NCKAP5: variants seen among roughly 807,000 people sequenced by gnomAD.
NCKAP5 encodes nck-associated protein 5.
NCKAP5 carries 92 observed loss-of-function variants against 167.0 expected under a neutral mutation model. The ratio of observed to expected loss-of-function variants is 0.55; its 90% CI spans 0.47 to 0.66. NCKAP5 has a LOEUF of 0.66. NCKAP5 is among the 30% of genes least tolerant of loss of function. The pLI, the probability that NCKAP5 is intolerant of heterozygous loss-of-function variation, is 0.00. For missense variants in NCKAP5, 2,378 were observed against 2,315.0 expected (o/e 1.03, Z -0.56); for synonymous variants, 891 against 877.4 (o/e 1.02, Z -0.27).
chr2:133,235,651 C>A (rs1362804870), intron 4 of NCKAP5, among the ~76,000 whole-genome samples: 1 of 152,046 alleles, frequency 6.6e-6, no homozygotes, highest in African/African-American at 2.4e-5. Context: ...TGCCTGCAAT[C>A]CCAGCATGTT....
intron 3 of NCKAP5, among the ~76,000 whole-genome samples, chr2:133,340,474 A>C (rs1574743459): frequency 6.6e-6 from 1 of 152,266 alleles, no homozygotes; most frequent in Middle Eastern, 3.4e-3. Flanking sequence ...ATATTTATTA[A>C]GACTTCATTT....
At chr2:132,713,135 A>G (rs1689023081) in intron 19 of NCKAP5, among the ~76,000 whole-genome samples, 1 of 150,944 alleles carries the variant, frequency 6.6e-6, no homozygotes, top group East Asian at 2.0e-4. Flanking sequence ...GTTCAATGAA[A>G]GACTGGAAAG....
intron 5 of NCKAP5, among the ~76,000 whole-genome samples, chr2:133,171,246 A>T (rs1373848792): frequency 6.6e-6 from 1 of 152,174 alleles, no homozygotes; most frequent in South Asian, 2.1e-4. Flanking sequence ...TGGAATGATA[A>T]AGAGAAGTAG....
chr2:133,280,476 G>A (rs554029264), intron 4 of NCKAP5, among the ~76,000 whole-genome samples: 22 of 151,734 alleles, frequency 1.4e-4, no homozygotes, highest in Admixed American at 1.2e-3. Context: ...GTACGATCTC[G>A]GCTCACCGCA....
At chr2:132,687,169 A>AT (rs1686055034) in intron 19 of NCKAP5, among the ~76,000 whole-genome samples, 1 of 152,180 alleles carries the variant, frequency 6.6e-6, no homozygotes, top group African/African-American at 2.4e-5. Flanking sequence ...ACGATGAGAG[A>AT]TTTTGAGAGG....
intron 3 of NCKAP5, among the ~76,000 whole-genome samples, chr2:133,410,770 C>T (rs1441304109): frequency 1.3e-5 from 2 of 152,112 alleles, no homozygotes; most frequent in African/African-American, 4.8e-5. Flanking sequence ...AATTTAAAAC[C>T]ACTGATGTAG....
At chr2:133,109,590 G>C (rs538333524) in intron 6 of NCKAP5, among the ~76,000 whole-genome samples, 1 of 152,020 alleles carries the variant, frequency 6.6e-6, no homozygotes, top group East Asian at 1.9e-4. Context: ...TAAAAATCTA[G>C]GTTTCATTTA....
the NCKAP5 span, among the ~76,000 whole-genome samples, chr2:133,658,921 T>C: frequency 1.3e-5 from 2 of 151,954 alleles, no homozygotes; most frequent in Admixed American, 1.3e-4. Context: ...TTCTATTGTG[T>C]TATGAGCTTT....
intron 11 of NCKAP5, among the ~76,000 whole-genome samples, chr2:132,816,663 C>G (rs1025712356): frequency 3.3e-5 from 5 of 152,152 alleles, no homozygotes; most frequent in African/African-American, 1.2e-4. Flanking sequence ...GTCTCACTTG[C>G]CTGAACACTC....
chr2:132,933,056 C>T (rs2149065548), intron 8 of NCKAP5, among the ~76,000 whole-genome samples: 1 of 151,948 alleles, frequency 6.6e-6, no homozygotes, highest in Middle Eastern at 3.4e-3. Flanking sequence ...TCCCGAGCAG[C>T]TGGGACTACA....
chr2:133,414,128 T>G (rs1017349483), intron 3 of NCKAP5, among the ~76,000 whole-genome samples: 56 of 152,222 alleles, frequency 3.7e-4, no homozygotes, highest in Non-Finnish European at 5.4e-4. Context: ...CCACAGCAAT[T>G]TCTGTCATAA....
chr2:132,876,405 A>G (rs1360332722), intron 9 of NCKAP5, among the ~76,000 whole-genome samples: 3 of 152,150 alleles, frequency 2.0e-5, no homozygotes, highest in African/African-American at 7.2e-5. Context: ...TCTGAAAAAC[A>G]TTTTAAATTT....
At chr2:132,735,017 T>C (rs1691374961) in intron 16 of NCKAP5, among the ~76,000 whole-genome samples, 1 of 152,266 alleles carries the variant, frequency 6.6e-6, no homozygotes, top group African/African-American at 2.4e-5. Flanking sequence ...CTCCCCATTC[T>C]GTGGCTGGAG....
At chr2:132,851,656 A>C (rs1002030294) in intron 11 of NCKAP5, among the ~76,000 whole-genome samples, 2 of 151,652 alleles carry the variant, frequency 1.3e-5, no homozygotes, top group East Asian at 1.9e-4. Flanking sequence ...GTTGGTATCT[A>C]CCCTCCCCTC....
chr2:132,717,886 GTA>G (rs1176966582), intron 19 of NCKAP5, among the ~76,000 whole-genome samples: 3 of 152,180 alleles, frequency 2.0e-5, no homozygotes, highest in Admixed American at 2.0e-4. Context: ...CATTTTGAGG[GTA>G]TGAGGCTGGA....
At chr2:133,357,144 C>T (rs1684786985) in intron 3 of NCKAP5, among the ~76,000 whole-genome samples, 1 of 152,124 alleles carries the variant, frequency 6.6e-6, no homozygotes, top group Non-Finnish European at 1.5e-5. Flanking sequence ...ACCTAGTGGG[C>T]CCTCAAAAAT....
At chr2:133,052,053 T>C (rs1443793861) in intron 6 of NCKAP5, among the ~76,000 whole-genome samples, 1 of 152,236 alleles carries the variant, frequency 6.6e-6, no homozygotes, top group African/African-American at 2.4e-5. Flanking sequence ...CTGTGCCTAC[T>C]AGCTACCTCT....
chr2:133,127,272 G>A (rs1404476261), intron 6 of NCKAP5, among the ~76,000 whole-genome samples: 1 of 152,132 alleles, frequency 6.6e-6, no homozygotes, highest in Non-Finnish European at 1.5e-5. Flanking sequence ...AACTGTGAAA[G>A]GCCATCAGAA....
chr2:133,449,695 T>C lies in NCKAP5; in HGVS notation c.69+67763A>G, dbSNP rs149866567. Among the ~76,000 whole-genome samples the C allele has an allele frequency of 2.9e-3, 447 of 152,292 alleles. 4 individuals carry two copies. Among genetic ancestry groups the C allele is most frequent in the African/African-American group, 0.01 (432 of 41,562 alleles). On this transcript the variant is annotated intron_variant, in intron 3 of 19. Coordinates refer to ENST00000409261, the MANE Select transcript of NCKAP5 (RefSeq NM_207363.3). ...ATCTGAAATGGATTCTATGTCAAGG[T>C]TGCGATCATAGATTGTATCATCTTG...
Sources: allele counts gnomAD v4.1 joint callset (sites outside exome capture counted in the v4.1 genomes callset), GRCh38; gene constraint gnomAD v4.1.1; transcripts MANE v1.5; gene names NCBI Gene and HGNC (gene_info 2026-07-23, HGNC 2026-07-21).